Variants in SCN7A observed in about 807,000 individuals in gnomAD.
SCN7A encodes sodium voltage-gated channel alpha subunit 7, also known as sodium channel protein type 7 subunit alpha.
Under a neutral mutation model 155.2 loss-of-function variants are expected in SCN7A, and 138 were observed. The observed-to-expected ratio is 0.89, with a 90% CI of 0.77 to 1.02. The LOEUF is 1.02. Among genes scored for constraint, SCN7A ranks in the 50% least tolerant of loss-of-function variants. The pLI, the probability that SCN7A is intolerant of heterozygous loss-of-function variation, is 0.00. For synonymous variants in SCN7A, 693 were observed against 649.0 expected, an observed-to-expected ratio of 1.07 and a Z score of -1.03; for missense variants, 2,058 against 1,986.6, an observed-to-expected ratio of 1.04 and a Z score of -0.68.
chr2:166,479,260 C>A (rs1270067343), intron 2 of SCN7A, among the ~76,000 whole-genome samples: 1 of 152,036 alleles, frequency 6.6e-6, no homozygotes, highest in African/African-American at 2.4e-5. Context: ...CATTACTTGT[C>A]TATTAATTAA....
chr2:166,490,655 AT>A (rs761223802), intron 1 of SCN7A, among the ~76,000 whole-genome samples: 91 of 152,234 alleles, frequency 6.0e-4, no homozygotes, highest in Non-Finnish European at 1.0e-3. Context: ...AATTCTTAAA[AT>A]TTTTGACCCA....
At chr2:166,407,438 C>G (rs572167384) in intron 25 of SCN7A, among the ~76,000 whole-genome samples, 3 of 151,918 alleles carry the variant, frequency 2.0e-5, no homozygotes, top group Non-Finnish European at 4.4e-5. Context: ...AGGAATCCCA[C>G]GAGGCTTCTA....
chr2:166,427,782 A>G lies in SCN7A; in HGVS notation c.2853+6T>C, dbSNP rs776339015. ...AAAGTATCAAACACCCTGGCTGCCC[A>G]CTTACCAGAGTGCCAGTGCTGAGCA... On this transcript the variant is annotated splice_donor_region_variant and intron_variant, in intron 18 of 25. Coordinates refer to ENST00000643258, the MANE Select transcript of SCN7A (RefSeq NM_002976.4). The G allele has an allele frequency of 3.9e-5, 63 of 1,603,962 alleles. No individual in the cohort carries two copies. The East Asian group carries it at 1.2e-3, about 30-fold the overall frequency.
At chr2:166,450,126 CT>C (rs1229462145) in intron 11 of SCN7A, among the ~76,000 whole-genome samples, 1 of 152,174 alleles carries the variant, frequency 6.6e-6, no homozygotes, top group Non-Finnish European at 1.5e-5. Flanking sequence ...CTATACCACT[CT>C]AAAGAAGAAC....
rs764528375 is a variant in SCN7A at position 166,456,873 on chromosome 2, ATC to A, written c.1285_1286del (p.Asp429Ter). The A allele has an allele frequency of 3.3e-6, 5 of 1,505,168 alleles. 1 individual carries two copies. The South Asian group carries it at 6.0e-5, about 18-fold the overall frequency. The allele number at this position is 1,505,168 out of a possible 1,614,324, so 93.2% of individuals were successfully genotyped here. ...ATAGATAGATAGATATAGATACCTC[ATC>A]TGTTTCATTTCCTTCTTGAAGTTCT... is the stretch of plus-strand genomic sequence containing the variant. ...GKELQEGNETDEAKTIQIEMK... is the reference protein window; with the variant it reads ...GKELQEGNETXEAKTIQIEMK... On this transcript the variant is annotated frameshift_variant, in exon 11 of 26. Transcript: ENST00000643258. LOFTEE classifies it high-confidence loss of function.
intron 22 of SCN7A, 122 bp from the exon 23 acceptor site, chr2:166,412,789 C>CT: frequency 7.4e-7 from 1 of 1,357,666 alleles, no homozygotes; most frequent in Non-Finnish European, 9.6e-7. Flanking sequence ...AAACTGTTTT[C>CT]TTTTTTGCTG....
rs556351441 is a variant in SCN7A at position 166,413,981 on chromosome 2, G to GTATATATATATATATATATATATATA, written c.3415-861_3415-860insTATATATATATATATATATATATATA. On this transcript the variant is annotated intron_variant, in intron 21 of 25. Transcript: ENST00000643258. ...CCCCTTTATATATATATGTGTATGTGTATATATATATATATATATATAAAT... is the reference window on the plus strand; with the variant it reads ...CCCCTTTATATATATATGTGTATGTGTATATATATATATATATATATATATATATATATATATATATATATATAAAT... Among the ~76,000 whole-genome samples, 340 of 53,356 alleles carry GTATATATATATATATATATATATATA rather than the reference G, an allele frequency of 6.4e-3. 26 individuals are homozygous for GTATATATATATATATATATATATATA. The highest frequency in any genetic ancestry group is 0.012 in the Middle Eastern group (1 of 82). 35.0% of individuals were successfully genotyped at this position (53,356 alleles called of 152,430 possible). A position where few individuals can be genotyped will look rare whatever the true frequency, so the allele number is the denominator to read the frequency against.
chr2:166,475,905 C>T (rs1049387800), intron 3 of SCN7A, among the ~76,000 whole-genome samples: 1 of 151,986 alleles, frequency 6.6e-6, no homozygotes, highest in East Asian at 1.9e-4. Flanking sequence ...TAACTCTGGG[C>T]CTTGGTTTAT....
Position 166,406,092 on chromosome 2 carries a change from C to G in SCN7A, c.4537G>C (p.Asp1513His). Reference protein sequence around the residue: ...SKKKNKTLSEDDFRKFFQVWK... With the variant: ...SKKKNKTLSEHDFRKFFQVWK... ...ACCTGAAAGAATTTCCTAAAATCAT[C>G]TTCACTCAAGGTCTTGTTTTTCTTC... is the stretch of plus-strand genomic sequence containing the variant. Residue 1513 changes from aspartate to histidine, a missense_variant, in exon 26 of 26, where the codon GAT (aspartate) becomes CAT (histidine). Asp to His is a moderately conservative substitution (Grantham distance 81, BLOSUM62 -1). Transcript: ENST00000643258. 6.2e-7 allele frequency: 1 copy of G among 1,612,348 alleles called. No homozygotes were observed. The highest frequency in any genetic ancestry group is 8.5e-7 in the Non-Finnish European group (1 of 1,179,046).
chr2:166,405,818 A>T lies in SCN7A; in HGVS notation c.4811T>A (p.Leu1604Ter), dbSNP rs1701057335. 6.2e-7 allele frequency: 1 copy of T among 1,612,970 alleles called. No individual in the cohort carries two copies. Among genetic ancestry groups the T allele is most frequent in the South Asian group, 1.1e-5 (1 of 91,054 alleles). Residue 1604 changes from leucine (L) to a stop codon, truncating the protein, a stop_gained, in exon 26 of 26, where the codon TTG (leucine) becomes TAG (stop). Transcript: ENST00000643258. LOFTEE classifies it low-confidence loss of function (END_TRUNC). ...TGTGATCTTAAAAGGGTTGGCTAAC[A>T]AAAACCCTGATTCTATTTCTGAAAC... is the stretch of plus-strand genomic sequence containing the variant. ...KVVSEIESGF[L>*]LANPFKITCE...
At chr2:166,418,609 A>G (rs1156997022) in intron 20 of SCN7A, among the ~76,000 whole-genome samples, 1 of 151,568 alleles carries the variant, frequency 6.6e-6, no homozygotes, top group Non-Finnish European at 1.5e-5. Flanking sequence ...CTTTGAATTA[A>G]TATTTAGGCT....
chr2:166,422,381 A>G (rs972682284), intron 19 of SCN7A, among the ~76,000 whole-genome samples: 1 of 152,134 alleles, frequency 6.6e-6, no homozygotes, highest in Non-Finnish European at 1.5e-5. Context: ...ATGGTACAAT[A>G]TTAATAAGGG....
Position 166,423,382 on chromosome 2 carries a change from T to C in SCN7A, c.2904A>G (p.Leu968=), listed in dbSNP as rs1162468476. The part of the protein sequence containing the change: ...MDQRKTIKIL[L]EYADMIFTYI... ...AAGTAAAGATCATGTCAGCATATTC[T>C]AATAAAATTTTAATTGTCTTTCTCT... Residue 968 remains leucine (L), a synonymous_variant, in exon 19 of 26, where the codon TTA becomes TTG. Transcript: ENST00000643258. 1 of 1,602,726 alleles carries C rather than the reference T, an allele frequency of 6.2e-7. No homozygotes were observed. The highest frequency in any genetic ancestry group is 1.1e-5 in the South Asian group (1 of 88,566).
chr2:166,490,173 T>C (rs1307254042), intron 1 of SCN7A, among the ~76,000 whole-genome samples: 1 of 152,278 alleles, frequency 6.6e-6, no homozygotes, highest in African/African-American at 2.4e-5. Context: ...ATCACCATCA[T>C]GATGTGCAAT....
intron 15 of SCN7A, 55 bp from the exon 16 acceptor site, chr2:166,432,807 T>A: frequency 7.6e-7 from 1 of 1,307,408 alleles, no homozygotes; most frequent in Non-Finnish European, 1.0e-6. Context: ...TCATTTTAAG[T>A]AATGAAAAGT....
chr2:166,427,693 T>C, intron 18 of SCN7A, 95 bp downstream of exon 18: 4 of 1,141,040 alleles, frequency 3.5e-6, no homozygotes, highest in Non-Finnish European at 4.9e-6. Context: ...CTAAATATCC[T>C]TGGAAATGTA....
intron 19 of SCN7A, among the ~76,000 whole-genome samples, chr2:166,422,445 GT>G (rs1701530452): frequency 6.6e-6 from 1 of 152,100 alleles, no homozygotes; most frequent in African/African-American, 2.4e-5. Context: ...AGTGGCTGCA[GT>G]TTAAATAGTG....
intron 18 of SCN7A, among the ~76,000 whole-genome samples, chr2:166,426,083 T>TG (rs1182828091): frequency 6.6e-6 from 1 of 152,138 alleles, no homozygotes; most frequent in Admixed American, 6.6e-5. Flanking sequence ...GAGAGACATA[T>TG]GTGCCTCCTA....
At chr2:166,437,387 A>C (rs1701861740) in intron 15 of SCN7A, among the ~76,000 whole-genome samples, 1 of 152,196 alleles carries the variant, frequency 6.6e-6, no homozygotes, top group Non-Finnish European at 1.5e-5. Flanking sequence ...GATGTATGGA[A>C]ATGCCTGGAT....
Sources: allele counts gnomAD v4.1 joint callset (sites outside exome capture counted in the v4.1 genomes callset), GRCh38; gene constraint gnomAD v4.1.1; transcripts MANE v1.5; gene names NCBI Gene and HGNC (gene_info 2026-07-23, HGNC 2026-07-21).